Variants in GPC6 observed in about 807,000 individuals in gnomAD.
The protein encoded by GPC6 is glypican 6.
A neutral mutation model predicts 55.2 loss-of-function variants in GPC6; 14 were observed. The ratio of observed to expected loss-of-function variants is 0.25; its 90% confidence interval spans 0.17 to 0.40. The LOEUF is 0.40. GPC6 is among the 10% of genes least tolerant of loss of function. GPC6 has a pLI of 1.00. For synonymous variants in GPC6, 278 were observed against 259.6 expected (o/e 1.07, Z -0.68); for missense variants, 641 against 708.5 (o/e 0.90, Z 1.08).
chr13:93,549,335 T>C (rs1874997898), intron 2 of GPC6, among the ~76,000 whole-genome samples: 1 of 152,192 alleles, frequency 6.6e-6, no homozygotes, highest in Non-Finnish European at 1.5e-5. Context: ...GATTAGCCTG[T>C]CAAATTGGCA....
chr13:93,998,688 A>AT (rs201260216), intron 3 of GPC6, among the ~76,000 whole-genome samples: 10 of 152,090 alleles, frequency 6.6e-5, no homozygotes, highest in African/African-American at 1.7e-4. Context: ...AACTTATAAG[A>AT]TTTTTAAAAA....
chr13:94,144,404 AACACACACACACACACAC>A (rs59772537), intron 4 of GPC6, among the ~76,000 whole-genome samples: 6 of 143,434 alleles, frequency 4.2e-5, no homozygotes, highest in East Asian at 2.1e-4. Flanking sequence ...GTGCTTTTAA[AACACACACACACACACAC>A]ACACACACAC....
intron 6 of GPC6, among the ~76,000 whole-genome samples, chr13:94,371,567 C>T (rs139453468): frequency 3.3e-5 from 5 of 152,110 alleles, no homozygotes; most frequent in African/African-American, 7.2e-5. Context: ...TTGTGAAGAT[C>T]GAATGCACGT....
chr13:93,493,949 G>T lies in GPC6; in HGVS notation c.161-51314G>T, dbSNP rs1462925712. On this transcript the variant is annotated intron_variant, in intron 1 of 8. Coordinates refer to ENST00000377047, the MANE Select transcript of GPC6 (RefSeq NM_005708.5). ...AGGAGTGCTTTACTTCCAACTCTGTGGTCAATTTTGGAATAGGTGTGGTGT... is the reference window on the plus strand; with the variant it reads ...AGGAGTGCTTTACTTCCAACTCTGTTGTCAATTTTGGAATAGGTGTGGTGT... 4.2e-5 allele frequency among the ~76,000 whole-genome samples: 5 copies of T among 117,902 alleles called. 2 individuals carry two copies. The highest frequency in any genetic ancestry group is 9.2e-5 in the Non-Finnish European group (5 of 54,496). The allele number at this position is 117,902 out of a possible 152,430, so 77.3% of individuals were successfully genotyped here. A position where few individuals can be genotyped will look rare whatever the true frequency, so the allele number is the denominator to read the frequency against.
intron 3 of GPC6, among the ~76,000 whole-genome samples, chr13:93,831,699 AT>A (rs1015245826): frequency 3.9e-5 from 6 of 152,008 alleles, no homozygotes; most frequent in African/African-American, 1.4e-4. Flanking sequence ...CTAAACGTTT[AT>A]TTGAGCATAC....
At chr13:93,442,676 A>T (rs570052058) in intron 1 of GPC6, among the ~76,000 whole-genome samples, 1 of 152,324 alleles carries the variant, frequency 6.6e-6, no homozygotes, top group Admixed American at 6.5e-5. Flanking sequence ...CCCCAAACAT[A>T]TTATAAACAA....
At chr13:94,091,757 G>A (rs1002403906) in intron 4 of GPC6, among the ~76,000 whole-genome samples, 2 of 152,004 alleles carry the variant, frequency 1.3e-5, no homozygotes, top group African/African-American at 2.4e-5. Flanking sequence ...GAAGATATGG[G>A]TGTCTGGGAT....
intron 4 of GPC6, among the ~76,000 whole-genome samples, chr13:94,083,828 C>T (rs1004732007): frequency 1.3e-5 from 2 of 152,204 alleles, no homozygotes; most frequent in African/African-American, 4.8e-5. Context: ...TGTCCTCTTA[C>T]TTTTCTGATA....
At chr13:94,068,006 C>G (rs945660522) in intron 4 of GPC6, among the ~76,000 whole-genome samples, 3 of 152,140 alleles carry the variant, frequency 2.0e-5, no homozygotes, top group African/African-American at 7.2e-5. Flanking sequence ...AAAAGATGTA[C>G]ATTGATAAAC....
At chr13:93,923,968 G>A (rs1386628487) in intron 3 of GPC6, among the ~76,000 whole-genome samples, 1 of 152,142 alleles carries the variant, frequency 6.6e-6, no homozygotes, top group African/African-American at 2.4e-5. Context: ...ATGTGGAATG[G>A]AATGGATGTG....
At chr13:93,899,981 A>G (rs1397377888) in intron 3 of GPC6, among the ~76,000 whole-genome samples, 1 of 152,172 alleles carries the variant, frequency 6.6e-6, no homozygotes, top group Non-Finnish European at 1.5e-5. Context: ...TCATATTGTC[A>G]AGTCTCTCCC....
intron 1 of GPC6, among the ~76,000 whole-genome samples, chr13:93,499,670 G>A (rs9301886): frequency 0.85 from 129,880 of 152,188 alleles, 55,983 homozygotes; most frequent in Non-Finnish European, 0.91. Context: ...ATAGGGAGGC[G>A]GATGCTGAGT....
intron 1 of GPC6, among the ~76,000 whole-genome samples, chr13:93,540,775 A>G (rs1882261422): frequency 1.3e-5 from 2 of 152,006 alleles, no homozygotes; most frequent in African/African-American, 2.4e-5. Context: ...AGAACACTAG[A>G]ACTTATTCCT....
intron 2 of GPC6, among the ~76,000 whole-genome samples, chr13:93,816,057 A>G (rs1193566809): frequency 6.6e-6 from 1 of 152,154 alleles, no homozygotes; most frequent in Non-Finnish European, 1.5e-5. Flanking sequence ...CTTATTCATC[A>G]AATCCCCACC....
At position 93,576,179 on chromosome 13, in the gene GPC6, G is replaced by T. The variant is rs1039681712; in HGVS notation, c.319+30758G>T. Among the ~76,000 whole-genome samples the T allele has an allele frequency of 4.6e-5, 7 of 151,316 alleles. No individual in the cohort carries two copies. In the East Asian group the frequency reaches 9.7e-4, roughly 21 times the overall value. On this transcript the variant is annotated intron_variant, in intron 2 of 8. Transcript: ENST00000377047. ...GATTTGTTGCTATAGTGAGAGAAAA[G>T]ATTTAAATTGAATAACATTAATTTA...
At chr13:93,935,647 T>G (rs1878401659) in intron 3 of GPC6, among the ~76,000 whole-genome samples, 1 of 152,214 alleles carries the variant, frequency 6.6e-6, no homozygotes, top group Admixed American at 6.5e-5. Flanking sequence ...CAATTCACAT[T>G]ATATTTCTGT....
chr13:93,374,408 A>G (rs9589721), intron 1 of GPC6, among the ~76,000 whole-genome samples: 2,182 of 152,196 alleles, frequency 0.014, 58 homozygotes, highest in African/African-American at 0.049. Flanking sequence ...AAGGTGATGC[A>G]CAGTTCTACC....
At chr13:93,999,759 T>C (rs755294534) in intron 3 of GPC6, among the ~76,000 whole-genome samples, 1 of 152,212 alleles carries the variant, frequency 6.6e-6, no homozygotes, top group Non-Finnish European at 1.5e-5. Context: ...TTATAAGATA[T>C]TTTTAATCAC....
rs1310175935 is a variant in GPC6, at chr13:93,482,788, CAA to C, written c.161-62473_161-62472del. ...AGACCCCAAATTGAGATGTATGAAA[CAA>C]AGAGTTGTGTAGCAAGTACGTTTGT... is the stretch of plus-strand genomic sequence containing the variant. On this transcript the variant is annotated intron_variant, in intron 1 of 8. Coordinates refer to ENST00000377047, the MANE Select transcript of GPC6 (RefSeq NM_005708.5). Among the ~76,000 whole-genome samples the C allele has an allele frequency of 1.6e-4, 24 of 152,226 alleles. No individual in the cohort carries two copies. In the East Asian group the frequency reaches 3.7e-3, roughly 23 times the overall value.
Sources: gnomAD v4.1 joint callset for allele counts (sites outside exome capture counted in the v4.1 genomes callset) on GRCh38, gnomAD v4.1.1 for gene constraint, MANE v1.5 for transcripts, NCBI Gene and HGNC (gene_info 2026-07-23, HGNC 2026-07-21) for gene names.